The following CDH20 variants were observed in gnomAD, a reference collection of about 807,000 sequenced individuals.
The protein encoded by CDH20 is cadherin-20.
A neutral mutation model predicts 74.2 loss-of-function variants in CDH20; 29 were observed. The observed-to-expected ratio is 0.39, with a 90% confidence interval of 0.29 to 0.53. CDH20 has a LOEUF of 0.53. Among genes scored for constraint, CDH20 ranks in the 20% least tolerant of loss-of-function variants. The pLI is 0.69. For missense variants in CDH20, 988 were observed against 1,048.3 expected (o/e 0.94, Z 0.79); for synonymous variants, 469 against 405.4 (o/e 1.16, Z -1.88).
intron 1 of CDH20, among the ~76,000 whole-genome samples, chr18:61,435,576 G>C (rs1276406122): frequency 6.6e-6 from 1 of 151,998 alleles, no homozygotes; most frequent in Non-Finnish European, 1.5e-5. Context: ...ATATAGCCAG[G>C]AAATGCAGGA....
intron 6 of CDH20, among the ~76,000 whole-genome samples, chr18:61,515,295 C>G (rs917595686): frequency 6.6e-6 from 1 of 152,084 alleles, no homozygotes; most frequent in East Asian, 1.9e-4. Context: ...TTCTTTGACT[C>G]GGAAAGGGAA....
At chr18:61,447,183 G>A (rs1437809357) in intron 1 of CDH20, among the ~76,000 whole-genome samples, 1 of 152,194 alleles carries the variant, frequency 6.6e-6, no homozygotes, top group African/African-American at 2.4e-5. Flanking sequence ...TGAATATGGG[G>A]ACCTAGTGAG....
rs372359341 is a variant in CDH20 at position 61,445,504 on chromosome 18, A to G, written c.-152-44898A>G. Among the ~76,000 whole-genome samples, 10 of 152,330 alleles carry G rather than the reference A, an allele frequency of 6.6e-5. No homozygotes were observed. The East Asian group carries it at 1.9e-3, about 29-fold the overall frequency. On this transcript the variant is annotated intron_variant, in intron 1 of 11. Transcript: ENST00000262717. ...ATATTAATTACTTCCAAATGTCACA[A>G]CAATCCCACAAGGTCCCATTATTCT...
At chr18:61,392,697 G>A (rs1911834670) in intron 1 of CDH20, among the ~76,000 whole-genome samples, 1 of 150,862 alleles carries the variant, frequency 6.6e-6, no homozygotes, top group Admixed American at 6.6e-5. Flanking sequence ...AGTGAACGAA[G>A]GAAAGGCTAG....
At position 61,555,559 on chromosome 18, in the gene CDH20, G is replaced by C; in HGVS notation, c.*864G>C. 3 of 985,332 alleles carry C rather than the reference G, an allele frequency of 3.0e-6. No individual in the cohort carries two copies. Among genetic ancestry groups the C allele is most frequent in the Non-Finnish European group, 3.6e-6 (3 of 829,862 alleles). The allele number at this position is 985,332 out of a possible 1,614,324, so 61.0% of individuals were successfully genotyped here. On this transcript the variant is annotated 3_prime_UTR_variant, in exon 12 of 12. Transcript: ENST00000262717. The stretch of plus-strand genomic sequence containing the variant: ...AAAAGAAGTATCTGACAAAAGCATG[G>C]GTTAGAGGGCTTTCCTAATCTGTGT...
chr18:61,373,020 G>A (rs1431979927), intron 1 of CDH20, among the ~76,000 whole-genome samples: 2 of 152,198 alleles, frequency 1.3e-5, no homozygotes, highest in South Asian at 4.1e-4. Context: ...AGAATGTTTG[G>A]ACCATCTCTA....
At chr18:61,489,773 C>G (rs1404417539) in intron 1 of CDH20, among the ~76,000 whole-genome samples, 1 of 152,060 alleles carries the variant, frequency 6.6e-6, no homozygotes, top group Non-Finnish European at 1.5e-5. Context: ...CAGCCCCTAT[C>G]AGTGCTTCGG....
intron 1 of CDH20, among the ~76,000 whole-genome samples, chr18:61,443,652 C>T (rs1453579646): frequency 1.3e-5 from 2 of 152,146 alleles, no homozygotes; most frequent in East Asian, 3.9e-4. Flanking sequence ...TGACTAAGCA[C>T]ACCCTGTCGT....
In CDH20 at chr18:61,539,031, C is replaced by T; in HGVS notation, c.1416C>T (p.Pro472=). Reference sequence around the variant, plus strand: ...TCCTTGTGTTCCCTTTAGACAATCCCTCCCAGGTTGGAAGTGTTCCTGTCA... The same window carrying T: ...TCCTTGTGTTCCCTTTAGACAATCCTTCCCAGGTTGGAAGTGTTCCTGTCA... ...ITVLAMEMNN[P]SQVGSVPVTI... The change falls in exon 9 of 12, where the codon CCC becomes CCT. Residue 472 remains proline (P), a synonymous_variant. Transcript: ENST00000262717. The T allele has an allele frequency of 1.2e-6, 2 of 1,614,008 alleles. No individual in the cohort carries two copies. Among genetic ancestry groups the T allele is most frequent in the South Asian group, 1.1e-5 (1 of 91,066 alleles).
At chr18:61,382,549 T>C (rs925086923) in intron 1 of CDH20, among the ~76,000 whole-genome samples, 5 of 152,180 alleles carry the variant, frequency 3.3e-5, no homozygotes, top group African/African-American at 1.2e-4. Context: ...GTATCTAATG[T>C]AGAATGTCAG....
intron 1 of CDH20, among the ~76,000 whole-genome samples, chr18:61,349,694 T>C (rs888092595): frequency 6.6e-6 from 1 of 150,612 alleles, no homozygotes; most frequent in Non-Finnish European, 1.5e-5. Context: ...AAAATCCAAA[T>C]GCAGCAACAT....
chr18:61,422,266 C>T (rs1023371219), intron 1 of CDH20, among the ~76,000 whole-genome samples: 2 of 152,262 alleles, frequency 1.3e-5, no homozygotes, highest in African/African-American at 4.8e-5. Context: ...GCAGGGAAAG[C>T]AACTGGCAGT....
intron 1 of CDH20, among the ~76,000 whole-genome samples, chr18:61,466,457 G>A (rs1361563953): frequency 6.6e-6 from 1 of 152,054 alleles, no homozygotes; most frequent in South Asian, 2.1e-4. Flanking sequence ...GCAGAGTTAC[G>A]GGACATGCAG....
intron 1 of CDH20, among the ~76,000 whole-genome samples, chr18:61,370,728 C>A (rs1911006893): frequency 6.6e-6 from 1 of 152,054 alleles, no homozygotes; most frequent in African/African-American, 2.4e-5. Flanking sequence ...TAAACTGGAT[C>A]TCCAGAATTT....
chr18:61,470,373 G>A (rs979830114), intron 1 of CDH20, among the ~76,000 whole-genome samples: 2 of 152,140 alleles, frequency 1.3e-5, no homozygotes, highest in Non-Finnish European at 2.9e-5. Context: ...ATTTTCCAAC[G>A]GAAAAAGGAA....
rs551282459 is a variant in CDH20 at position 61,513,629 on chromosome 18, G to A, written c.1017+6069G>A. Among the ~76,000 whole-genome samples the A allele has an allele frequency of 2.2e-4, 33 of 152,132 alleles. No individual in the cohort carries two copies. In the East Asian group the frequency reaches 2.9e-3, roughly 13 times the overall value. Reference sequence around the variant, plus strand: ...TTACATTTTGGCATGATTTTGCAGCGGCTGGTACTGGTTGTTCCTCTCCAC... The same window carrying A: ...TTACATTTTGGCATGATTTTGCAGCAGCTGGTACTGGTTGTTCCTCTCCAC... On this transcript the variant is annotated intron_variant, in intron 6 of 11. Transcript: ENST00000262717.
intron 10 of CDH20, among the ~76,000 whole-genome samples, chr18:61,547,879 C>T (rs1198418529): frequency 6.6e-6 from 1 of 152,148 alleles, no homozygotes; most frequent in African/African-American, 2.4e-5. Flanking sequence ...ATGTGATGCT[C>T]TGATATTTTT....
chr18:61,476,078 A>G (rs1042815270), intron 1 of CDH20, among the ~76,000 whole-genome samples: 2 of 152,078 alleles, frequency 1.3e-5, no homozygotes, highest in Non-Finnish European at 2.9e-5. Context: ...GAGAGCCACA[A>G]TATTATCTCC....
chr18:61,473,112 G>C (rs1910242828), intron 1 of CDH20, among the ~76,000 whole-genome samples: 1 of 152,214 alleles, frequency 6.6e-6, no homozygotes, highest in Non-Finnish European at 1.5e-5. Context: ...ACTTTATTAT[G>C]AACAGTATAA....
Sources: gnomAD v4.1 joint callset for allele counts (sites outside exome capture counted in the v4.1 genomes callset) on GRCh38, gnomAD v4.1.1 for gene constraint, MANE v1.5 for transcripts, NCBI Gene and HGNC (gene_info 2026-07-23, HGNC 2026-07-21) for gene names.